CTNND2: variants seen among roughly 807,000 people sequenced by gnomAD.
The protein encoded by CTNND2 is catenin delta 2, also known as catenin delta-2.
CTNND2 carries 22 observed loss-of-function variants against 144.4 expected under a neutral mutation model. The ratio of observed to expected loss-of-function variants is 0.15; its 90% CI spans 0.11 to 0.22. The LOEUF is 0.22. Ranked by LOEUF, CTNND2 falls within the 10% of genes least tolerant of loss-of-function variation. CTNND2 has a pLI of 1.00. For synonymous variants in CTNND2, 751 were observed against 695.6 expected (o/e 1.08, Z -1.25); for missense variants, 1,353 against 1,618.8 (o/e 0.84, Z 2.82).
At chr5:11,211,912 ATTTAT>A (rs999603319) in intron 10 of CTNND2, among the ~76,000 whole-genome samples, 1 of 152,190 alleles carries the variant, frequency 6.6e-6, no homozygotes, top group African/African-American at 2.4e-5. Flanking sequence ...TTTCTTACAT[ATTTAT>A]TTTAATTTTA....
intron 8 of CTNND2, among the ~76,000 whole-genome samples, chr5:11,353,766 G>A (rs995039757): frequency 1.3e-5 from 2 of 150,606 alleles, no homozygotes; most frequent in African/African-American, 2.4e-5. Context: ...TTGTGCCGTC[G>A]CATTCTGGCC....
Position 11,411,686 on chromosome 5 carries a change from A to G in CTNND2, c.323-34T>C, listed in dbSNP as rs374077301. 3.3e-6 allele frequency: 4 copies of G among 1,225,390 alleles called. No homozygotes were observed. In the African/African-American group the frequency reaches 4.5e-5, roughly 14 times the overall value. The allele number at this position is 1,225,390 out of a possible 1,614,324, so 75.9% of individuals were successfully genotyped here. Reference sequence around the variant, plus strand: ...AAATATTTTAAAGTGATGAACAAACACATGGTATATTATTCTTAAAGATTT... The same window carrying G: ...AAATATTTTAAAGTGATGAACAAACGCATGGTATATTATTCTTAAAGATTT... On this transcript the variant is annotated intron_variant, in intron 4 of 21. Transcript: ENST00000304623.
At chr5:11,631,645 G>C (rs533427915) in intron 2 of CTNND2, among the ~76,000 whole-genome samples, 5 of 152,186 alleles carry the variant, frequency 3.3e-5, no homozygotes, top group African/African-American at 4.8e-5. Context: ...ATCCTCCACA[G>C]CTCCATGTTG....
chr5:11,240,359 T>C (rs1241047632), intron 9 of CTNND2, among the ~76,000 whole-genome samples: 8 of 30,966 alleles, frequency 2.6e-4, no homozygotes, highest in Admixed American at 9.4e-4. Flanking sequence ...ACACACACAT[T>C]CACACACACC....
At chr5:11,845,684 T>C (rs929978187) in intron 1 of CTNND2, among the ~76,000 whole-genome samples, 5 of 152,246 alleles carry the variant, frequency 3.3e-5, no homozygotes, top group Admixed American at 2.0e-4. Context: ...TCCACTCAGT[T>C]TGCGATGCTT....
chr5:11,382,088 G>A (rs897588578), intron 7 of CTNND2, among the ~76,000 whole-genome samples: 1 of 152,172 alleles, frequency 6.6e-6, no homozygotes, highest in Non-Finnish European at 1.5e-5. Context: ...AATATACCCA[G>A]CTAACAAACC....
intron 3 of CTNND2, among the ~76,000 whole-genome samples, chr5:11,412,886 T>C (rs1380100378): frequency 1.3e-5 from 2 of 152,186 alleles, no homozygotes; most frequent in African/African-American, 4.8e-5. Context: ...GATATTTTAC[T>C]CTGTTCAAGC....
chr5:11,189,918 G>T (rs927997579), intron 11 of CTNND2, among the ~76,000 whole-genome samples: 2 of 152,212 alleles, frequency 1.3e-5, no homozygotes, highest in Admixed American at 6.5e-5. Context: ...TCTGTTTGGG[G>T]AAGCAATTAG....
chr5:11,729,903 T>C (rs1787238085), intron 2 of CTNND2, among the ~76,000 whole-genome samples: 1 of 152,186 alleles, frequency 6.6e-6, no homozygotes, highest in Non-Finnish European at 1.5e-5. Context: ...TTAGTTTTAT[T>C]TTCACTTAAA....
intron 1 of CTNND2, among the ~76,000 whole-genome samples, chr5:11,902,431 T>C (rs762716589): frequency 5.3e-5 from 8 of 152,320 alleles, no homozygotes; most frequent in Non-Finnish European, 1.0e-4. Context: ...TTAGAAGTGG[T>C]GCAGCCCCGA....
At chr5:11,893,403 C>G (rs1400037772) in intron 1 of CTNND2, among the ~76,000 whole-genome samples, 1 of 152,186 alleles carries the variant, frequency 6.6e-6, no homozygotes, top group Non-Finnish European at 1.5e-5. Context: ...GAGCTTGCTG[C>G]TAACTACTAG....
intron 6 of CTNND2, among the ~76,000 whole-genome samples, chr5:11,395,677 A>C (rs1760036916): frequency 6.6e-6 from 1 of 152,252 alleles, no homozygotes; most frequent in Non-Finnish European, 1.5e-5. Context: ...TATTCCTATC[A>C]TTCAGCATTG....
At chr5:11,692,013 A>G (rs1479153116) in intron 2 of CTNND2, among the ~76,000 whole-genome samples, 4 of 152,238 alleles carry the variant, frequency 2.6e-5, no homozygotes, top group Non-Finnish European at 5.9e-5. Context: ...TGTAAAGGTT[A>G]CATAGCTAAT....
intron 6 of CTNND2, among the ~76,000 whole-genome samples, chr5:11,391,326 C>G (rs1759615438): frequency 6.6e-6 from 1 of 152,014 alleles, no homozygotes; most frequent in South Asian, 2.1e-4. Flanking sequence ...TTAAGTTTGT[C>G]TAGAGCTTTG....
intron 11 of CTNND2, among the ~76,000 whole-genome samples, chr5:11,160,459 C>A (rs752959045): frequency 6.6e-6 from 1 of 152,112 alleles, no homozygotes; most frequent in Non-Finnish European, 1.5e-5. Context: ...AAAATGTTAA[C>A]GACAAATAGA....
At chr5:11,344,074 G>A (rs1754519517) in intron 9 of CTNND2, among the ~76,000 whole-genome samples, 1 of 152,134 alleles carries the variant, frequency 6.6e-6, no homozygotes, top group Non-Finnish European at 1.5e-5. Context: ...ACTATATTTT[G>A]GACCTGAAGT....
At chr5:11,215,900 T>C (rs746271682) in intron 10 of CTNND2, among the ~76,000 whole-genome samples, 20 of 152,194 alleles carry the variant, frequency 1.3e-4, no homozygotes, top group Non-Finnish European at 2.4e-4. Flanking sequence ...ATTAAAGAAA[T>C]TGTGGTTTAC....
chr5:11,862,738 G>C (rs937879035), intron 1 of CTNND2, among the ~76,000 whole-genome samples: 1 of 152,026 alleles, frequency 6.6e-6, no homozygotes, highest in African/African-American at 2.4e-5. Flanking sequence ...TTGGCTATAC[G>C]ACAATTTATC....
At chr5:11,577,277 G>C (rs1009065608) in intron 2 of CTNND2, among the ~76,000 whole-genome samples, 1 of 152,248 alleles carries the variant, frequency 6.6e-6, no homozygotes, top group Non-Finnish European at 1.5e-5. Context: ...GCAAGGTGCT[G>C]AATGACGCAG....
Sources: allele counts gnomAD v4.1 joint callset (sites outside exome capture counted in the v4.1 genomes callset), GRCh38; gene constraint gnomAD v4.1.1; transcripts MANE v1.5; gene names NCBI Gene and HGNC (gene_info 2026-07-23, HGNC 2026-07-21).